Variants in SEC14L1 observed in about 807,000 individuals in gnomAD.
SEC14L1 encodes SEC14 like lipid binding 1.
In SEC14L1, 48 loss-of-function variants were observed where a neutral mutation model predicts 85.3. That is an observed-to-expected ratio of 0.56 (90% CI 0.45 to 0.72). The LOEUF is 0.72. Among genes scored for constraint, SEC14L1 ranks in the 30% least tolerant of loss-of-function variants. The pLI is 0.00. For synonymous variants in SEC14L1, 391 were observed against 355.5 expected (o/e 1.10, Z -1.12); for missense variants, 682 against 921.4 (o/e 0.74, Z 3.36).
chr17:77,201,845 G>C (rs1567929934), intron 9 of SEC14L1, among the ~76,000 whole-genome samples: 2 of 152,298 alleles, frequency 1.3e-5, no homozygotes, highest in South Asian at 4.1e-4. Context: ...GCTTTAAGTA[G>C]ACCAGGTCTA....
Position 77,214,354 on chromosome 17 carries a change from C to T in SEC14L1, c.*331C>T, listed in dbSNP as rs1976931129. On this transcript the variant is annotated 3_prime_UTR_variant, in exon 17 of 17. Transcript: ENST00000436233. ...CAGATATTGATGCAAAAAATTTTTC[C>T]AACGAACTCCGCATTGTCCATTAGT... 2 of 1,072,280 alleles carry T rather than the reference C, an allele frequency of 1.9e-6. No individual in the cohort carries two copies. Among genetic ancestry groups the T allele is most frequent in the South Asian group, 3.2e-5 (1 of 31,560 alleles). The allele number at this position is 1,072,280 out of a possible 1,614,324, so 66.4% of individuals were successfully genotyped here.
intron 3 of SEC14L1, among the ~76,000 whole-genome samples, chr17:77,095,594 G>T (rs1039884155): frequency 1.3e-5 from 2 of 152,138 alleles, no homozygotes; most frequent in African/African-American, 2.4e-5. Context: ...TTAGGAGGCC[G>T]AGGCGGGTGG....
chr17:77,095,366 T>A (rs181064757), intron 3 of SEC14L1, among the ~76,000 whole-genome samples: 7 of 152,176 alleles, frequency 4.6e-5, no homozygotes, highest in African/African-American at 1.4e-4. Context: ...TGGGAATGAG[T>A]GTCCCAAGGC....
chr17:77,109,490 G>C (rs962637391), intron 3 of SEC14L1, among the ~76,000 whole-genome samples: 1 of 152,190 alleles, frequency 6.6e-6, no homozygotes, highest in African/African-American at 2.4e-5. Flanking sequence ...TGGGAAATTA[G>C]GCTGCTATTT....
rs1412131461 is a variant in SEC14L1 at position 77,205,421 on chromosome 17, T to C, written c.1169+75T>C. On this transcript the variant is annotated intron_variant, in intron 11 of 16. Transcript: ENST00000436233. ...AAATATTTCTAGTTGATTTTTGGAA[T>C]TAAAATCTACTTATTATTTTCCAAG... 8.4e-6 allele frequency: 11 copies of C among 1,314,532 alleles called. No homozygotes were observed. The African/African-American group carries it at 1.3e-4, about 16-fold the overall frequency. 81.4% of individuals were successfully genotyped at this position (1,314,532 alleles called of 1,614,324 possible).
intron 3 of SEC14L1, among the ~76,000 whole-genome samples, chr17:77,151,722 G>A (rs1973565916): frequency 6.6e-6 from 1 of 152,170 alleles, no homozygotes; most frequent in Non-Finnish European, 1.5e-5. Context: ...ATCTTGCCGG[G>A]CCTGACACAG....
At chr17:77,128,546 C>T (rs1490807249) in intron 3 of SEC14L1, among the ~76,000 whole-genome samples, 2 of 150,900 alleles carry the variant, frequency 1.3e-5, no homozygotes, top group South Asian at 2.1e-4. Flanking sequence ...GCAACCTCTG[C>T]TTCTCGGGTT....
intron 3 of SEC14L1, among the ~76,000 whole-genome samples, chr17:77,174,671 T>A (rs1483825935): frequency 6.6e-6 from 1 of 152,144 alleles, no homozygotes; most frequent in Non-Finnish European, 1.5e-5. Context: ...GGGACCTGTC[T>A]CCTCACGAGT....
chr17:77,132,524 C>T (rs539120025), intron 3 of SEC14L1, among the ~76,000 whole-genome samples: 6 of 152,208 alleles, frequency 3.9e-5, no homozygotes, highest in African/African-American at 1.4e-4. Context: ...TGCGCCTGGG[C>T]AAGTCTGCGT....
chr17:77,167,456 C>T (rs1004974501), intron 3 of SEC14L1, among the ~76,000 whole-genome samples: 1 of 152,142 alleles, frequency 6.6e-6, no homozygotes, highest in African/African-American at 2.4e-5. Flanking sequence ...ACCATGAGCA[C>T]AATAGGTTTT....
In SEC14L1 at chr17:77,194,863, G is replaced by A. The variant is rs754648611; in HGVS notation, c.661G>A (p.Ala221Thr). The A allele has an allele frequency of 3.7e-6, 6 of 1,614,208 alleles. No individual in the cohort carries two copies. In the South Asian group the frequency reaches 5.5e-5, roughly 15 times the overall value. The change falls in exon 7 of 17, where the codon GCC (alanine) becomes ACC (threonine). Residue 221 changes from alanine (A) to threonine (T), a missense_variant. Ala to Thr is a moderately conservative substitution (Grantham distance 58, BLOSUM62 0). Around this residue, in one of 3 missense-constraint regions of SEC14L1, gnomAD observed 123 missense variants for 100.6 expected, o/e 1.22. Transcript: ENST00000436233. ...CCTCAAGGAGGGGCTGAGTGGTGAT[G>A]CCCTCAGCAGCCCCAGCGCACCTGA... ...AALKEGLSGD[A>T]LSSPSAPEPV... is the part of the protein sequence containing the mutation.
In SEC14L1 at chr17:77,213,378, C is replaced by T. The variant is rs1225623534; in HGVS notation, c.1928C>T (p.Ala643Val). The change falls in exon 16 of 17, where the codon GCG (alanine) becomes GTG (valine). Residue 643 changes from alanine to valine, a missense_variant. Ala to Val is a moderately conservative substitution (Grantham distance 64). Around this residue, in one of 3 missense-constraint regions of SEC14L1, gnomAD observed 420 missense variants for 619.5 expected, o/e 0.68. Coordinates refer to ENST00000436233, the MANE Select transcript of SEC14L1 (RefSeq NM_001143998.2). The surrounding 1 kb of genome is among the most constrained non-coding windows in gnomAD (Gnocchi z 7.1). Reference protein sequence around the residue: ...ILQWKFHSMPACAASSLPRVD... With the variant: ...ILQWKFHSMPVCAASSLPRVD... Reference sequence around the variant, plus strand: ...CAGTGGAAATTCCACAGCATGCCTGCGTGCGCCGCCAGCAGCCTTCCCCGG... The same window carrying T: ...CAGTGGAAATTCCACAGCATGCCTGTGTGCGCCGCCAGCAGCCTTCCCCGG... 5 of 1,613,246 alleles carry T rather than the reference C, an allele frequency of 3.1e-6. No homozygotes were observed. Among genetic ancestry groups the T allele is most frequent in the East Asian group, 2.2e-5 (1 of 44,894 alleles).
Position 77,214,518 on chromosome 17 carries a change from G to T in SEC14L1, c.*495G>T. ...TGCTTCCCGCCAGTCAAGATGGTCT[G>T]TGGACTTAGGGCCAGCCCTTGAGGT... On this transcript the variant is annotated 3_prime_UTR_variant, in exon 17 of 17. Coordinates refer to ENST00000436233, the MANE Select transcript of SEC14L1 (RefSeq NM_001143998.2). 1 of 998,524 alleles carries T rather than the reference G, an allele frequency of 1.0e-6. No individual in the cohort carries two copies. Among genetic ancestry groups the T allele is most frequent in the Non-Finnish European group, 1.2e-6 (1 of 837,126 alleles). The allele number at this position is 998,524 out of a possible 1,614,324, so 61.9% of individuals were successfully genotyped here.
intron 3 of SEC14L1, 181 bp downstream of exon 3, chr17:77,143,840 A>C: frequency 2.3e-6 from 1 of 443,730 alleles, no homozygotes; most frequent in East Asian, 3.6e-5. Flanking sequence ...GCCTCTGAAA[A>C]TAAAAATCTG....
intron 3 of SEC14L1, among the ~76,000 whole-genome samples, chr17:77,135,608 C>T (rs1252799194): frequency 6.6e-6 from 1 of 152,096 alleles, no homozygotes; most frequent in South Asian, 2.1e-4. Flanking sequence ...ACAATCAGGG[C>T]TCACTGCACC....
intron 3 of SEC14L1, among the ~76,000 whole-genome samples, chr17:77,156,176 C>G (rs528418838): frequency 1.3e-5 from 2 of 152,122 alleles, no homozygotes; most frequent in African/African-American, 4.8e-5. Flanking sequence ...CACTGGCAGC[C>G]GCTGTAGGGT....
At chr17:77,191,337 A>C in intron 5 of SEC14L1, 25 bp downstream of exon 5, 1 of 1,613,464 alleles carries the variant, frequency 6.2e-7, no homozygotes, top group Non-Finnish European at 8.5e-7. Context: ...ACTCGGCGGA[A>C]GATGTTCTGC....
At chr17:77,183,213 TCAAA>T (rs1975116344) in intron 3 of SEC14L1, among the ~76,000 whole-genome samples, 1 of 152,268 alleles carries the variant, frequency 6.6e-6, no homozygotes, top group African/African-American at 2.4e-5. Flanking sequence ...GCTACCTTTT[TCAAA>T]CTATTAATGG....
At chr17:77,119,578 A>G (rs555147244) in intron 3 of SEC14L1, among the ~76,000 whole-genome samples, 75 of 152,262 alleles carry the variant, frequency 4.9e-4, no homozygotes, top group African/African-American at 1.8e-3. Flanking sequence ...AGCAGTATTT[A>G]TTTTATCCAC....
Sources: gnomAD v4.1 joint callset for allele counts (sites outside exome capture counted in the v4.1 genomes callset) on GRCh38, gnomAD v4.1.1 for gene constraint, gnomAD v4.1.1 regional missense constraint, Gnocchi (gnomAD v3.1) non-coding constraint, MANE v1.5 for transcripts, NCBI Gene and HGNC (gene_info 2026-07-23, HGNC 2026-07-21) for gene names.